Variants in NPM2 observed in about 807,000 individuals in gnomAD.
NPM2 encodes the protein nucleophosmin/nucleoplasmin 2.
A neutral mutation model predicts 32.0 loss-of-function variants in NPM2; 25 were observed. The ratio of observed to expected loss-of-function variants is 0.78; its 90% CI spans 0.57 to 1.09. The LOEUF is 1.09. Among genes scored for constraint, NPM2 ranks in the 50% least tolerant of loss-of-function variants. NPM2 has a pLI of 0.00. For missense variants in NPM2, 282 were observed against 259.9 expected, an observed-to-expected ratio of 1.08 and a Z score of -0.58; for synonymous variants, 111 against 94.2, an observed-to-expected ratio of 1.18 and a Z score of -1.04.
chr8:22,035,932 CAAAAA>C (rs71204531), intron 8 of NPM2, among the ~76,000 whole-genome samples: 1 of 80,588 alleles, frequency 1.2e-5, no homozygotes, highest in Non-Finnish European at 2.5e-5. Flanking sequence ...GACTCCATCT[CAAAAA>C]AAAAAAAAAA....
chr8:22,025,339 A>G, intron 3 of NPM2, 33 bp downstream of exon 3: 2 of 1,600,992 alleles, frequency 1.2e-6, no homozygotes, highest in Admixed American at 3.5e-5. Context: ...TCCCAGAGAC[A>G]CGCCCCACCT....
At chr8:22,032,237 A>G (rs1800465362) in intron 5 of NPM2, among the ~76,000 whole-genome samples, 1 of 152,256 alleles carries the variant, frequency 6.6e-6, no homozygotes, top group Non-Finnish European at 1.5e-5. Flanking sequence ...AAGTATAAAT[A>G]CAATAAATAC....
chr8:22,035,752 A>G (rs1286860964), intron 8 of NPM2, among the ~76,000 whole-genome samples: 1 of 152,068 alleles, frequency 6.6e-6, no homozygotes, highest in Admixed American at 6.5e-5. Flanking sequence ...TTGCCAACAT[A>G]GCAAAACCCT....
At position 22,033,148 on chromosome 8, in the gene NPM2, C is replaced by G; in HGVS notation, c.289C>G (p.Gln97Glu). 6.2e-7 allele frequency: 1 copy of G among 1,614,052 alleles called. No individual in the cohort carries two copies. The highest frequency in any genetic ancestry group is 1.1e-5 in the South Asian group (1 of 91,086). ...CCTGCAGGTCTCCATGGTAGGAGTG[C>G]AGCTTTCTCCCCCAGTTACTTTCCA... ...VLPMVSMVGV[Q>E]LSPPVTFQLR... The change falls in exon 6 of 10, where the codon CAG becomes GAG. Residue 97 changes from glutamine (Q) to glutamate (E), a missense_variant. Gln to Glu is a conservative substitution (Grantham distance 29, BLOSUM62 2). Transcript: ENST00000518119.
intron 8 of NPM2, 144 bp downstream of exon 8, chr8:22,034,688 T>C (rs891358438): frequency 1.1e-5 from 7 of 652,030 alleles, no homozygotes; most frequent in Admixed American, 2.8e-5. Context: ...GGTATGGAAG[T>C]GCTGAAGGGT....
chr8:22,031,285 C>T (rs1158232761), intron 5 of NPM2, among the ~76,000 whole-genome samples: 1 of 152,088 alleles, frequency 6.6e-6, no homozygotes, highest in Non-Finnish European at 1.5e-5. Context: ...GAGAAGAGGG[C>T]TGGTTTGGGC....
In NPM2 at chr8:22,036,769, C is replaced by G; in HGVS notation, c.*87C>G. On this transcript the variant is annotated 3_prime_UTR_variant, in exon 10 of 10. Coordinates refer to ENST00000518119, the MANE Select transcript of NPM2 (RefSeq NM_001286680.2). ...AGGGTGCCCCTGTCCAGCCCCTCCA[C>G]CTGTGTCTGAATGCAACAGGGGTGT... The G allele has an allele frequency of 7.3e-7, 1 of 1,361,096 alleles. No homozygotes were observed. Among genetic ancestry groups the G allele is most frequent in the Non-Finnish European group, 9.9e-7 (1 of 1,012,258 alleles). 84.3% of individuals were successfully genotyped at this position (1,361,096 alleles called of 1,614,324 possible). A position where few individuals can be genotyped will look rare whatever the true frequency, so the allele number is the denominator to read the frequency against.
chr8:22,034,342 G>A, intron 7 of NPM2, 67 bp downstream of exon 7: 4 of 1,476,880 alleles, frequency 2.7e-6, no homozygotes, highest in South Asian at 2.6e-5. Flanking sequence ...AGAGGGGTGG[G>A]CCACCGGGAG....
chr8:22,036,466 C>T (rs761600382), intron 8 of NPM2, 27 bp from the exon 9 acceptor site: 1 of 1,598,106 alleles, frequency 6.3e-7, no homozygotes, highest in South Asian at 1.1e-5. Flanking sequence ...CCCAATCCCA[C>T]TCCTGCTCCG....
chr8:22,028,161 A>G (rs1206990227), intron 5 of NPM2, among the ~76,000 whole-genome samples: 2 of 152,086 alleles, frequency 1.3e-5, no homozygotes, highest in Non-Finnish European at 2.9e-5. Flanking sequence ...TTTTGTAAGT[A>G]GTTTTACTGG....
chr8:22,035,035 A>T (rs1208014679), intron 8 of NPM2, among the ~76,000 whole-genome samples: 1 of 152,162 alleles, frequency 6.6e-6, no homozygotes, highest in Non-Finnish European at 1.5e-5. Context: ...GAGCCCGGGG[A>T]AAAGTTGCAG....
At chr8:22,031,439 TTTG>T (rs1800436280) in intron 5 of NPM2, among the ~76,000 whole-genome samples, 2 of 152,066 alleles carry the variant, frequency 1.3e-5, no homozygotes, top group Admixed American at 1.3e-4. Flanking sequence ...CTGTGAAGAT[TTTG>T]TTGTTGTTCT....
chr8:22,025,257 C>T lies in NPM2; in HGVS notation c.9C>T (p.Leu3=). MN[L]SSASSTEEKA... ...CTTCTCTGCCCGGAGCCATGAATCT[C>T]AGTAGCGCCAGTAGCACGGAGGAAA... The change falls in exon 3 of 10, where the codon CTC becomes CTT. Residue 3 remains leucine, a synonymous_variant. Coordinates refer to ENST00000518119, the MANE Select transcript of NPM2 (RefSeq NM_001286680.2). 2 of 1,611,462 alleles carry T rather than the reference C, an allele frequency of 1.2e-6. No homozygotes were observed. Among genetic ancestry groups the T allele is most frequent in the Non-Finnish European group, 1.7e-6 (2 of 1,179,246 alleles).
Position 22,034,260 on chromosome 8 carries a change from G to A in NPM2, c.516G>A (p.Gln172=). 1.3e-6 allele frequency: 2 copies of A among 1,594,904 alleles called. No individual in the cohort carries two copies. Among genetic ancestry groups the A allele is most frequent in the Non-Finnish European group, 1.7e-6 (2 of 1,170,800 alleles). ...TCAAAAGGCTGGTGCCCCAGAAGCAGGCGAGCGTGGCTAAGGTGGGGGAAG... is the reference window on the plus strand; with the variant it reads ...TCAAAAGGCTGGTGCCCCAGAAGCAAGCGAGCGTGGCTAAGGTGGGGGAAG... ...KQVKRLVPQK[Q]ASVAKKKKLE... Residue 172 remains glutamine (Q), a synonymous_variant, in exon 7 of 10, where the codon CAG becomes CAA. Coordinates refer to ENST00000518119, the MANE Select transcript of NPM2 (RefSeq NM_001286680.2).
intron 5 of NPM2, among the ~76,000 whole-genome samples, chr8:22,027,314 C>T (rs1432258869): frequency 1.3e-5 from 2 of 152,162 alleles, no homozygotes; most frequent in Admixed American, 6.5e-5. Flanking sequence ...TGCCCTCAGA[C>T]TTTCCTGTTC....
intron 5 of NPM2, among the ~76,000 whole-genome samples, chr8:22,029,915 CATG>C (rs1399943849): frequency 1.3e-5 from 2 of 152,082 alleles, no homozygotes; most frequent in African/African-American, 4.8e-5. Flanking sequence ...ATAGTTTTAC[CATG>C]ATGTGTTCAG....
intron 2 of NPM2, 156 bp from the exon 3 acceptor site, chr8:22,025,060 G>T (rs1800188566): frequency 1.7e-6 from 1 of 593,640 alleles, no homozygotes; most frequent in Non-Finnish European, 2.9e-6. Flanking sequence ...GTGGGTACTC[G>T]TCCTCCAGGA....
chr8:22,028,307 T>G (rs1800322208), intron 5 of NPM2, among the ~76,000 whole-genome samples: 1 of 151,812 alleles, frequency 6.6e-6, no homozygotes, highest in Admixed American at 6.6e-5. Context: ...AACAGAAAGT[T>G]TCCTGGTCTG....
intron 5 of NPM2, among the ~76,000 whole-genome samples, chr8:22,029,209 T>A (rs1334090053): frequency 6.6e-6 from 1 of 152,282 alleles, no homozygotes; most frequent in East Asian, 1.9e-4. Flanking sequence ...GGTGCAATCT[T>A]GACTCACTGC....
Sources: gnomAD v4.1 joint callset for allele counts (sites outside exome capture counted in the v4.1 genomes callset) on GRCh38, gnomAD v4.1.1 for gene constraint, MANE v1.5 for transcripts, NCBI Gene and HGNC (gene_info 2026-07-23, HGNC 2026-07-21) for gene names.